Variants in SRF observed in about 807,000 individuals in gnomAD.
SRF encodes c-fos serum response element-binding transcription factor.
A neutral mutation model predicts 37.1 loss-of-function variants in SRF; 7 were observed. The observed-to-expected ratio is 0.19, with a 90% CI of 0.11 to 0.35. The LOEUF (loss-of-function observed/expected upper bound fraction) is 0.35. Among genes scored for constraint, SRF ranks in the 10% least tolerant of loss-of-function variants. The pLI, the probability that SRF is intolerant of heterozygous loss-of-function variation, is 1.00. For missense variants in SRF, 395 were observed against 694.4 expected, an observed-to-expected ratio of 0.57 and a Z score of 4.85; for synonymous variants, 285 against 310.1, an observed-to-expected ratio of 0.92 and a Z score of 0.85.
At chr6:43,177,228 G>GTTTTTTTTTGTTTTTTTTTT (rs1772214991) in intron 4 of SRF, among the ~76,000 whole-genome samples, 1 of 116,848 alleles carries the variant, frequency 8.6e-6, no homozygotes, top group Non-Finnish European at 1.7e-5. Context: ...ATCGGAGTCT[G>GTTTTTTTTTGTTTTTTTTTT]TTTTTTTTTT....
chr6:43,171,347 C>T lies in SRF; in HGVS notation c.-310C>T, dbSNP rs944763871. The T allele has an allele frequency of 3.2e-4, 61 of 188,578 alleles. No homozygotes were observed. Among genetic ancestry groups the T allele is most frequent in the Non-Finnish European group, 5.8e-4 (54 of 92,444 alleles). 11.7% of individuals were successfully genotyped at this position (188,578 alleles called of 1,614,324 possible). A position where few individuals can be genotyped will look rare whatever the true frequency, so the allele number is the denominator to read the frequency against. ...AGCGCGTGGTCCCGGCCCCCTCCAC[C>T]CGCCGTCTCGGCCGCGGCCAGCAGC... On this transcript the variant is annotated 5_prime_UTR_variant, in exon 1 of 7. Coordinates refer to ENST00000265354, the MANE Select transcript of SRF (RefSeq NM_003131.4). This position sits in a 1 kb window ranked among gnomAD's most constrained non-coding sequence, Gnocchi z 6.5.
Position 43,173,832 on chromosome 6 carries a change from C to G in SRF, c.514-15C>G, listed in dbSNP as rs1342663422. 10 of 1,607,572 alleles carry G rather than the reference C, an allele frequency of 6.2e-6. No individual in the cohort carries two copies. The highest frequency in any genetic ancestry group is 1.7e-5 in the Admixed American group (1 of 59,570). On this transcript the variant is annotated splice_polypyrimidine_tract_variant and intron_variant, in intron 1 of 6. Transcript: ENST00000265354. This position sits in a 1 kb window ranked among gnomAD's most constrained non-coding sequence, Gnocchi z 4.2. ...AAAGTTTGCTGACCTGCCCATCTCC[C>G]TCCTCACCCCTCAGGCCTATGAGCT...
rs146806717 is a variant in SRF, at chr6:43,173,201, A to G, written c.514-646A>G. Among the ~76,000 whole-genome samples the G allele has an allele frequency of 2.0e-5, 3 of 152,042 alleles. No individual in the cohort carries two copies. In the East Asian group the frequency reaches 5.8e-4, roughly 29 times the overall value. ...GCTAATCTAGGTCTCGTCTCCCATC[A>G]CTCCAGACACTGTTGTATCAGTGTC... On this transcript the variant is annotated intron_variant, in intron 1 of 6. Transcript: ENST00000265354. This position sits in a 1 kb window ranked among gnomAD's most constrained non-coding sequence, Gnocchi z 4.2.
At chr6:43,177,900 G>A (rs1460292902) in intron 4 of SRF, among the ~76,000 whole-genome samples, 6 of 145,580 alleles carry the variant, frequency 4.1e-5, no homozygotes, top group African/African-American at 1.5e-4. Flanking sequence ...GGGTGACAGA[G>A]TGAGACTCCA....
Position 43,181,132 on chromosome 6 carries a change from C to A in SRF, c.*1942C>A, listed in dbSNP as rs1772325622. 2 of 152,690 alleles carry A rather than the reference C, an allele frequency of 1.3e-5. No individual in the cohort carries two copies. The highest frequency in any genetic ancestry group is 4.8e-5 in the African/African-American group (2 of 41,430). The allele number at this position is 152,690 out of a possible 1,614,324, so 9.5% of individuals were successfully genotyped here. ...CACTCCCCCACCCATGGGGAGGAGA[C>A]CTTTGATGAATTCTTCCTCTCCTTC... On this transcript the variant is annotated 3_prime_UTR_variant, in exon 7 of 7. Coordinates refer to ENST00000265354, the MANE Select transcript of SRF (RefSeq NM_003131.4).
chr6:43,175,988 A>G (rs948305262), intron 3 of SRF, 21 bp downstream of exon 3: 4 of 1,604,558 alleles, frequency 2.5e-6, no homozygotes, highest in Non-Finnish European at 2.6e-6. Context: ...AGGGGCAGGG[A>G]GAGATTCGTC....
In SRF at chr6:43,178,548, C is replaced by CACAT; in HGVS notation, c.1354+66_1354+67insTACA. ...TTCCTTCTTTATACACACACACACA[C>CACAT]ACACATACACACACATATGCACTGA... is the stretch of plus-strand genomic sequence containing the variant. On this transcript the variant is annotated intron_variant, in intron 5 of 6. Transcript: ENST00000265354. The surrounding 1 kb of genome is among the most constrained non-coding windows in gnomAD (Gnocchi z 4.3). 1 of 1,500,306 alleles carries CACAT rather than the reference C, an allele frequency of 6.7e-7. No homozygotes were observed. The highest frequency in any genetic ancestry group is 9.2e-7 in the Non-Finnish European group (1 of 1,092,820). The allele number at this position is 1,500,306 out of a possible 1,614,324, so 92.9% of individuals were successfully genotyped here. A position where few individuals can be genotyped will look rare whatever the true frequency, so the allele number is the denominator to read the frequency against.
At position 43,179,196 on chromosome 6, in the gene SRF, C is replaced by T. The variant is rs990397317; in HGVS notation, c.*6C>T. 5.0e-6 allele frequency: 8 copies of T among 1,614,074 alleles called. No individual in the cohort carries two copies. The highest frequency in any genetic ancestry group is 3.3e-5 in the Admixed American group (2 of 60,014). On this transcript the variant is annotated 3_prime_UTR_variant, in exon 7 of 7. Transcript: ENST00000265354. This position sits in a 1 kb window ranked among gnomAD's most constrained non-coding sequence, Gnocchi z 5.3. Reference sequence around the variant, plus strand: ...ACAGCACCAAGAGTGAATGATCCGCCCGCCGCCCTGGACAGATGGCCCAAG... The same window carrying T: ...ACAGCACCAAGAGTGAATGATCCGCTCGCCGCCCTGGACAGATGGCCCAAG...
At chr6:43,177,634 G>A (rs1772228375) in intron 4 of SRF, among the ~76,000 whole-genome samples, 1 of 151,520 alleles carries the variant, frequency 6.6e-6, no homozygotes. Flanking sequence ...AGGAGAGAGA[G>A]GCCGGGTGCG....
intron 4 of SRF, among the ~76,000 whole-genome samples, chr6:43,177,228 G>GT (rs544658252): frequency 0.072 from 8,432 of 116,732 alleles, 842 homozygotes; most frequent in African/African-American, 0.16. Flanking sequence ...ATCGGAGTCT[G>GT]TTTTTTTTTT....
In SRF at chr6:43,181,476, T is replaced by C. The variant is rs1467010883; in HGVS notation, c.*2286T>C. On this transcript the variant is annotated 3_prime_UTR_variant, in exon 7 of 7. Transcript: ENST00000265354. ...TCTTTTGTATTAAAAAAAAATACTC[T>C]TTCAATAAATGTATCATTTTTGTGC... is the stretch of plus-strand genomic sequence containing the variant. The C allele has an allele frequency of 6.6e-6, 1 of 152,592 alleles. No individual in the cohort carries two copies. The highest frequency in any genetic ancestry group is 2.4e-5 in the African/African-American group (1 of 41,422). 9.5% of individuals were successfully genotyped at this position (152,592 alleles called of 1,614,324 possible). A position where few individuals can be genotyped will look rare whatever the true frequency, so the allele number is the denominator to read the frequency against.
At chr6:43,175,595 G>GTA in intron 2 of SRF, 111 bp from the exon 3 acceptor site, 3 of 1,421,172 alleles carry the variant, frequency 2.1e-6, no homozygotes, top group Admixed American at 1.8e-5. Flanking sequence ...GGTGGCGTTG[G>GTA]GATTTGAACC....
In SRF at chr6:43,176,537, G is replaced by C; in HGVS notation, c.1043-11G>C. The C allele has an allele frequency of 6.2e-7, 1 of 1,614,018 alleles. No individual in the cohort carries two copies. Among genetic ancestry groups the C allele is most frequent in the Non-Finnish European group, 8.5e-7 (1 of 1,179,930 alleles). ...TGGGACAGAGCACAAATAAGACTCT[G>C]TGTCTTGCAGGTGGGGCAGTGGCCC... On this transcript the variant is annotated splice_polypyrimidine_tract_variant and intron_variant, in intron 3 of 6. Coordinates refer to ENST00000265354, the MANE Select transcript of SRF (RefSeq NM_003131.4). This position sits in a 1 kb window ranked among gnomAD's most constrained non-coding sequence, Gnocchi z 4.0.
intron 2 of SRF, among the ~76,000 whole-genome samples, 155 bp from the exon 3 acceptor site, chr6:43,175,551 A>G (rs978100521): frequency 6.6e-6 from 1 of 152,208 alleles, no homozygotes; most frequent in Non-Finnish European, 1.5e-5. Flanking sequence ...TCAGTAGATC[A>G]ATAACTTACC....
intron 2 of SRF, among the ~76,000 whole-genome samples, chr6:43,174,809 C>G (rs1183683922): frequency 2.6e-5 from 4 of 152,196 alleles, no homozygotes; most frequent in Admixed American, 1.3e-4. Context: ...GCAAACGTCT[C>G]GTGCTGACCC....
intron 2 of SRF, among the ~76,000 whole-genome samples, chr6:43,175,161 A>G (rs1284236850): frequency 1.3e-5 from 2 of 152,186 alleles, no homozygotes; most frequent in African/African-American, 4.8e-5. Context: ...GAAGCCTGAC[A>G]AATTAGAGCT....
chr6:43,176,642 C>T lies in SRF; in HGVS notation c.1137C>T (p.Leu379=). 2 of 1,614,174 alleles carry T rather than the reference C, an allele frequency of 1.2e-6. No homozygotes were observed. The highest frequency in any genetic ancestry group is 1.7e-6 in the Non-Finnish European group (2 of 1,180,026). The change falls in exon 4 of 7, where the codon CTC becomes CTT. Residue 379 remains leucine (L), a synonymous_variant. Transcript: ENST00000265354. The surrounding 1 kb of genome is among the most constrained non-coding windows in gnomAD (Gnocchi z 4.0). Reference sequence around the variant, plus strand: ...CCTCCCGTGACAGCAGCACAGACCTCACGCAGACCTCCTCCAGCGGGACAG... The same window carrying T: ...CCTCCCGTGACAGCAGCACAGACCTTACGCAGACCTCCTCCAGCGGGACAG... ...ASPSRDSSTD[L]TQTSSSGTVT...
At position 43,177,228 on chromosome 6, in the gene SRF, G is replaced by GTTTTTT. The variant is rs544658252; in HGVS notation, c.1162+573_1162+578dup. ...CCCCAAACCTAGTGAATCGGAGTCTGTTTTTTTTTTTTTTTTTGAGACGGA... is the reference window on the plus strand; with the variant it reads ...CCCCAAACCTAGTGAATCGGAGTCTGTTTTTTTTTTTTTTTTTTTTTTTGAGACGGA... On this transcript the variant is annotated intron_variant, in intron 4 of 6. Coordinates refer to ENST00000265354, the MANE Select transcript of SRF (RefSeq NM_003131.4). Among the ~76,000 whole-genome samples the GTTTTTT allele has an allele frequency of 2.4e-4, 28 of 116,808 alleles. 3 individuals are homozygous for GTTTTTT. The highest frequency in any genetic ancestry group is 6.5e-4 in the African/African-American group (17 of 26,184). The allele number at this position is 116,808 out of a possible 152,430, so 76.6% of individuals were successfully genotyped here. A position where few individuals can be genotyped will look rare whatever the true frequency, so the allele number is the denominator to read the frequency against.
chr6:43,172,012 C>A lies in SRF; in HGVS notation c.356C>A (p.Ala119Glu). ...GTCGGTGGGCCCGAGGCGTCGGCAG[C>A]GGCCACCGGGGGCTACGGGCCGGTG... ...MVVGGPEASA[A>E]ATGGYGPVSG... Residue 119 changes from alanine to glutamate, a missense_variant, in exon 1 of 7, where the codon GCG becomes GAG. Around this residue, in one of 4 missense-constraint regions of SRF, gnomAD observed 134 missense variants for 204.5 expected, o/e 0.66. Transcript: ENST00000265354. This position sits in a 1 kb window ranked among gnomAD's most constrained non-coding sequence, Gnocchi z 5.7. 3 of 1,581,782 alleles carry A rather than the reference C, an allele frequency of 1.9e-6. No individual in the cohort carries two copies. Among genetic ancestry groups the A allele is most frequent in the Non-Finnish European group, 2.6e-6 (3 of 1,165,568 alleles).
Sources: allele counts gnomAD v4.1 joint callset (sites outside exome capture counted in the v4.1 genomes callset), GRCh38; gene constraint gnomAD v4.1.1; regional missense constraint gnomAD v4.1.1; non-coding constraint Gnocchi (gnomAD v3.1); transcripts MANE v1.5; gene names NCBI Gene and HGNC (gene_info 2026-07-23, HGNC 2026-07-21).